The following RBM47 variants were observed in gnomAD, a reference collection of about 807,000 sequenced individuals.
RBM47 encodes RNA-binding protein 47.
Under a neutral mutation model 47.1 loss-of-function variants are expected in RBM47, and 21 were observed. That is an observed-to-expected ratio of 0.45 (90% CI 0.32 to 0.64). RBM47 has a LOEUF of 0.64. Ranked by LOEUF, RBM47 falls within the 30% of genes least tolerant of loss-of-function variation. The probability of loss-of-function intolerance (pLI) is 0.05; values close to 1 mark genes in which losing one functional copy is unlikely to be tolerated. For synonymous variants in RBM47, 375 were observed against 361.7 expected (o/e 1.04, Z -0.42); for missense variants, 708 against 870.9 (o/e 0.81, Z 2.35).
intron 1 of RBM47, among the ~76,000 whole-genome samples, chr4:40,569,555 GC>G (rs1156512345): frequency 1.4e-5 from 2 of 143,978 alleles, no homozygotes; most frequent in East Asian, 4.2e-4. Flanking sequence ...GACTACAGGC[GC>G]CCACCACCAC....
chr4:40,468,590 T>A (rs1304293432), intron 2 of RBM47, among the ~76,000 whole-genome samples: 1 of 152,224 alleles, frequency 6.6e-6, no homozygotes, highest in Non-Finnish European at 1.5e-5. Flanking sequence ...GCCTTTAATA[T>A]AACTTATAGC....
chr4:40,437,090 A>AAAAATATATATATATAT (rs1256296949), intron 4 of RBM47, among the ~76,000 whole-genome samples: 1 of 49,850 alleles, frequency 2.0e-5, no homozygotes, highest in African/African-American at 1.1e-4. Context: ...AAAAAAAAAA[A>AAAAATATATATATATAT]ATATATATAT....
At chr4:40,544,380 G>C (rs1483117508) in intron 2 of RBM47, 42 bp downstream of exon 2, 1 of 152,216 alleles carries the variant, frequency 6.6e-6, no homozygotes, top group Non-Finnish European at 1.5e-5. Flanking sequence ...CCGCCACCGG[G>C]TTATGTGCAT....
chr4:40,588,249 G>A (rs1343268601), intron 1 of RBM47, among the ~76,000 whole-genome samples: 8 of 152,180 alleles, frequency 5.3e-5, no homozygotes. Flanking sequence ...GAGTCCAGCA[G>A]GCTTTGGGGG....
At position 40,423,547 on chromosome 4, in the gene RBM47, C is replaced by A. The variant is rs193188024; in HGVS notation, c.*2357G>T. ...TTGAAACAATAGGAACAGATAAGTC[C>A]CAGATAGGAGGCTCACTGATACTTA... is the stretch of plus-strand genomic sequence containing the variant. On this transcript the variant is annotated 3_prime_UTR_variant, in exon 7 of 7. Transcript: ENST00000295971. The A allele has an allele frequency of 6.6e-6, 1 of 151,826 alleles. No individual in the cohort carries two copies. Among genetic ancestry groups the A allele is most frequent in the Admixed American group, 6.6e-5 (1 of 15,252 alleles). The allele number at this position is 151,826 out of a possible 1,614,324, so 9.4% of individuals were successfully genotyped here.
chr4:40,430,253 A>C (rs561243990), intron 6 of RBM47, among the ~76,000 whole-genome samples: 46 of 152,162 alleles, frequency 3.0e-4, no homozygotes, highest in South Asian at 1.0e-3. Context: ...AACAAACAAA[A>C]AAAAAACCCT....
intron 2 of RBM47, among the ~76,000 whole-genome samples, chr4:40,531,141 C>T (rs965303030): frequency 1.3e-5 from 2 of 152,032 alleles, no homozygotes; most frequent in Non-Finnish European, 2.9e-5. Context: ...TTGTCAATGG[C>T]ATGGACTTGG....
At chr4:40,427,491 G>A (rs904448401) in intron 6 of RBM47, 3 of 152,214 alleles carry the variant, frequency 2.0e-5, no homozygotes, top group African/African-American at 7.2e-5. Flanking sequence ...CTGTGGTTCA[G>A]TATTTCCCAA....
intron 1 of RBM47, among the ~76,000 whole-genome samples, chr4:40,583,099 A>C (rs1193133744): frequency 6.6e-6 from 1 of 152,174 alleles, no homozygotes; most frequent in Non-Finnish European, 1.5e-5. Flanking sequence ...CAGAATGGGA[A>C]TAAAGAACAA....
intron 2 of RBM47, among the ~76,000 whole-genome samples, chr4:40,500,036 C>T (rs1353532970): frequency 2.6e-5 from 4 of 152,158 alleles, no homozygotes; most frequent in Admixed American, 6.5e-5. Flanking sequence ...AAAAATAGGC[C>T]GGGCGCAGTG....
chr4:40,553,896 C>T (rs1248435677), intron 1 of RBM47, among the ~76,000 whole-genome samples: 1 of 152,240 alleles, frequency 6.6e-6, no homozygotes, highest in Middle Eastern at 3.4e-3. Context: ...AAGTTCTTTG[C>T]GATCAGAGAC....
chr4:40,478,860 T>C (rs1386709654), intron 2 of RBM47, among the ~76,000 whole-genome samples: 1 of 152,248 alleles, frequency 6.6e-6, no homozygotes, highest in Non-Finnish European at 1.5e-5. Context: ...CTTTTGTATA[T>C]AGTAGTAGCA....
chr4:40,508,865 AATAAT>A (rs1350069863), intron 2 of RBM47, among the ~76,000 whole-genome samples: 4 of 152,240 alleles, frequency 2.6e-5, no homozygotes, highest in South Asian at 4.1e-4. Flanking sequence ...GAATATTTAA[AATAAT>A]ATGTTTTCGG....
rs766845831 is a variant in RBM47 at position 40,437,119 on chromosome 4, TATATATATATATAAAATAC to T, written c.1124-491_1124-473del. ...TATATATATATATATATAAAATACA[TATATATATATATAAAATAC>T]ATATATATATATAAAATACATATAT... is the stretch of plus-strand genomic sequence containing the variant. On this transcript the variant is annotated intron_variant, in intron 4 of 6. Coordinates refer to ENST00000295971, the MANE Select transcript of RBM47 (RefSeq NM_001098634.2). Among the ~76,000 whole-genome samples, 149 of 72,630 alleles carry T rather than the reference TATATATATATATAAAATAC, an allele frequency of 2.1e-3. 1 individual carries two copies. Among genetic ancestry groups the T allele is most frequent in the East Asian group, 7.5e-3 (15 of 2,008 alleles). 47.6% of individuals were successfully genotyped at this position (72,630 alleles called of 152,430 possible). A position where few individuals can be genotyped will look rare whatever the true frequency, so the allele number is the denominator to read the frequency against.
At chr4:40,562,598 T>A (rs1730735982) in intron 1 of RBM47, among the ~76,000 whole-genome samples, 2 of 151,884 alleles carry the variant, frequency 1.3e-5, no homozygotes, top group African/African-American at 4.8e-5. Context: ...CCCAAATAAT[T>A]GGGATTACAG....
intron 1 of RBM47, among the ~76,000 whole-genome samples, chr4:40,609,641 A>G (rs1381755308): frequency 2.0e-5 from 3 of 151,204 alleles, no homozygotes; most frequent in Non-Finnish European, 2.9e-5. Flanking sequence ...TTTAGCTTCC[A>G]TTTTTCTCTG....
rs111566165 is a variant in RBM47, at chr4:40,479,540, G to A, written c.-154-12841C>T. Among the ~76,000 whole-genome samples, 938 of 152,208 alleles carry A rather than the reference G, an allele frequency of 6.2e-3. 16 individuals carry two copies. The highest frequency in any genetic ancestry group is 0.021 in the African/African-American group (880 of 41,510). On this transcript the variant is annotated intron_variant, in intron 2 of 6. Coordinates refer to ENST00000295971, the MANE Select transcript of RBM47 (RefSeq NM_001098634.2). ...GCCTGGGAGGTTGAGGCTGCAGTGA[G>A]CCATGACTGCATCACTGCATTCCAG...
intron 1 of RBM47, among the ~76,000 whole-genome samples, chr4:40,610,475 T>A (rs1285570128): frequency 6.6e-6 from 1 of 151,672 alleles, no homozygotes; most frequent in African/African-American, 2.4e-5. Flanking sequence ...CCAGGCTCGG[T>A]GGCGGGTGCC....
chr4:40,589,138 T>C (rs970044085), intron 1 of RBM47, among the ~76,000 whole-genome samples: 4 of 151,014 alleles, frequency 2.6e-5, no homozygotes, highest in Admixed American at 2.0e-4. Flanking sequence ...CATGCTCAGC[T>C]AATTTTTTTA....
Sources: gnomAD v4.1 joint callset for allele counts (sites outside exome capture counted in the v4.1 genomes callset) on GRCh38, gnomAD v4.1.1 for gene constraint, MANE v1.5 for transcripts, NCBI Gene and HGNC (gene_info 2026-07-23, HGNC 2026-07-21) for gene names.